KIAA0586: variants seen among roughly 807,000 people sequenced by gnomAD.
KIAA0586 encodes the protein KIAA0586.
In KIAA0586, 144 loss-of-function variants were observed where a neutral mutation model predicts 169.8. That is an observed-to-expected ratio of 0.85 (90% CI 0.74 to 0.97). KIAA0586 has a LOEUF of 0.97. Ranked by LOEUF, KIAA0586 falls within the 50% of genes least tolerant of loss-of-function variation. KIAA0586 has a pLI of 0.00. For missense variants in KIAA0586, 1,854 were observed against 1,823.0 expected, an observed-to-expected ratio of 1.02 and a Z score of -0.31; for synonymous variants, 625 against 612.4, an observed-to-expected ratio of 1.02 and a Z score of -0.30.
At chr14:58,472,470 C>G (rs2041299495) in intron 18 of KIAA0586, among the ~76,000 whole-genome samples, 191 bp downstream of exon 18, 1 of 151,984 alleles carries the variant, frequency 6.6e-6, no homozygotes, top group South Asian at 2.1e-4. Context: ...ACCTATCTGC[C>G]TTCATGAAGC....
At chr14:58,497,363 C>A (rs1020196342) in intron 26 of KIAA0586, among the ~76,000 whole-genome samples, 2 of 141,800 alleles carry the variant, frequency 1.4e-5, no homozygotes, top group African/African-American at 5.1e-5. Context: ...AATCTGTATA[C>A]TTTTTTTTTT....
At position 58,551,017 on chromosome 14, in the gene KIAA0586, C is replaced by T. The variant is rs1183339971; in HGVS notation, c.*3085C>T. The T allele has an allele frequency of 6.6e-6, 1 of 151,716 alleles. No homozygotes were observed. Among genetic ancestry groups the T allele is most frequent in the Non-Finnish European group, 1.5e-5 (1 of 67,980 alleles). The allele number at this position is 151,716 out of a possible 1,614,324, so 9.4% of individuals were successfully genotyped here. On this transcript the variant is annotated 3_prime_UTR_variant, in exon 31 of 31. Transcript: ENST00000652326. Reference sequence around the variant, plus strand: ...CAGTCTGGCCAACATGGTGAAACCCCATCTCTACTAAAAATACAAAAATTA... The same window carrying T: ...CAGTCTGGCCAACATGGTGAAACCCTATCTCTACTAAAAATACAAAAATTA...
chr14:58,458,486 A>G lies in KIAA0586; in HGVS notation c.1597A>G (p.Lys533Glu), dbSNP rs1222640533. ...TCTCTTTTATAGAGAGATGTCAGAG[A>G]AAATTAGGATCAGAAAGACAGTGGA... ...ALSTNREMSE[K>E]IRIRKTVDEW... The change falls in exon 12 of 31, where the codon AAA (lysine) becomes GAA (glutamate). Residue 533 changes from lysine to glutamate, a missense_variant. Physicochemically the swap from Lys to Glu is moderately conservative, Grantham distance 56 (BLOSUM62 1). Coordinates refer to ENST00000652326, the MANE Select transcript of KIAA0586 (RefSeq NM_001329943.3). 2.6e-6 allele frequency: 4 copies of G among 1,537,022 alleles called. No individual in the cohort carries two copies. In the East Asian group the frequency reaches 9.7e-5, roughly 37 times the overall value.
At chr14:58,429,560 T>A in intron 2 of KIAA0586, 127 bp downstream of exon 2, 1 of 673,276 alleles carries the variant, frequency 1.5e-6, no homozygotes, top group Non-Finnish European at 2.7e-6. Context: ...CCAAAACAAA[T>A]GTTTTATATA....
At chr14:58,512,497 T>C in intron 28 of KIAA0586, 25 bp from the exon 29 acceptor site, 1 of 1,217,428 alleles carries the variant, frequency 8.2e-7, no homozygotes, top group Non-Finnish European at 1.1e-6. Context: ...AATAATATTA[T>C]GACTTCATAT....
Position 58,453,363 on chromosome 14 carries a change from A to G in KIAA0586, c.1143A>G (p.Leu381=), listed in dbSNP as rs370408761. The G allele has an allele frequency of 2.5e-4, 335 of 1,346,868 alleles. No individual in the cohort carries two copies. The highest frequency in any genetic ancestry group is 3.2e-4 in the Non-Finnish European group (313 of 983,470). The allele number at this position is 1,346,868 out of a possible 1,614,324, so 83.4% of individuals were successfully genotyped here. The change falls in exon 9 of 31, where the codon CTA becomes CTG. Residue 381 remains leucine, a synonymous_variant. Transcript: ENST00000652326. ...EVSCHRGNVR[L]LEQILNNNDS... ...CTTCTATTTCAGGAAATGTAAGACT[A>G]TTGGAACAAATTTTGAATAATAATG...
At chr14:58,532,119 C>T (rs2046010959) in intron 29 of KIAA0586, among the ~76,000 whole-genome samples, 1 of 151,142 alleles carries the variant, frequency 6.6e-6, no homozygotes, top group African/African-American at 2.4e-5. Flanking sequence ...ACCACCATGG[C>T]ATGTGTGTAC....
At chr14:58,450,551 T>G in intron 7 of KIAA0586, 28 bp from the exon 8 acceptor site, 4 of 1,416,586 alleles carry the variant, frequency 2.8e-6, no homozygotes, top group Non-Finnish European at 3.9e-6. Flanking sequence ...AAAAGCAAGT[T>G]AAGTTTTTAA....
At chr14:58,448,957 A>T (rs1004152729) in intron 7 of KIAA0586, among the ~76,000 whole-genome samples, 4 of 152,218 alleles carry the variant, frequency 2.6e-5, no homozygotes, top group Admixed American at 6.5e-5. Context: ...AAATATTTTC[A>T]GAATTAGTAA....
intron 20 of KIAA0586, among the ~76,000 whole-genome samples, chr14:58,479,850 A>C (rs780360910): frequency 6.6e-5 from 10 of 152,280 alleles, no homozygotes; most frequent in East Asian, 1.9e-4. Context: ...ATATGTGTGC[A>C]TCTTGTTTTT....
At chr14:58,495,575 G>T in intron 26 of KIAA0586, among the ~76,000 whole-genome samples, 1 of 152,060 alleles carries the variant, frequency 6.6e-6, no homozygotes, top group Non-Finnish European at 1.5e-5. Context: ...TGGGATTATA[G>T]GCATGAGCCA....
intron 9 of KIAA0586, 37 bp from the exon 10 acceptor site, chr14:58,456,665 A>G: frequency 8.1e-7 from 1 of 1,231,998 alleles, no homozygotes; most frequent in South Asian, 1.4e-5. Context: ...ACTTTTTCAA[A>G]AATCTTCTGT....
intron 30 of KIAA0586, among the ~76,000 whole-genome samples, chr14:58,540,543 G>T (rs750719040): frequency 6.6e-6 from 1 of 152,220 alleles, no homozygotes; most frequent in Middle Eastern, 3.4e-3. Flanking sequence ...TCACATTAAC[G>T]ATTGCTTTTT....
chr14:58,455,146 G>A (rs2039711492), intron 9 of KIAA0586, among the ~76,000 whole-genome samples: 1 of 152,122 alleles, frequency 6.6e-6, no homozygotes, highest in African/African-American at 2.4e-5. Context: ...CATTTCAGTT[G>A]TTATATTTTT....
chr14:58,552,731 T>C (rs1449442065), downstream of KIAA0586, among the ~76,000 whole-genome samples: 1 of 152,208 alleles, frequency 6.6e-6, no homozygotes, highest in Non-Finnish European at 1.5e-5. Flanking sequence ...GTAAGGAGTC[T>C]ATGTACCAGG....
intron 30 of KIAA0586, among the ~76,000 whole-genome samples, chr14:58,544,882 A>G (rs557771091): frequency 1.7e-4 from 26 of 152,236 alleles, no homozygotes; most frequent in Non-Finnish European, 3.4e-4. Context: ...CAGAATACTC[A>G]GAGTTCCCTT....
intron 25 of KIAA0586, among the ~76,000 whole-genome samples, chr14:58,490,921 A>T (rs1033518882): frequency 4.6e-5 from 7 of 152,206 alleles, no homozygotes; most frequent in Admixed American, 4.6e-4. Context: ...TTTTTAAGTT[A>T]TTTCACATAG....
chr14:58,502,742 T>A lies in KIAA0586; in HGVS notation c.4168+3782T>A, dbSNP rs561775620. ...ACTATCTTATATGTACTTAATAGAA[T>A]CAGAAACTATCAACAGTTGACTAAA... On this transcript the variant is annotated intron_variant, in intron 27 of 30. Coordinates refer to ENST00000652326, the MANE Select transcript of KIAA0586 (RefSeq NM_001329943.3). Among the ~76,000 whole-genome samples the A allele has an allele frequency of 1.6e-4, 24 of 152,306 alleles. No individual in the cohort carries two copies. The South Asian group carries it at 5.0e-3, about 32-fold the overall frequency.
At chr14:58,543,888 G>T in intron 30 of KIAA0586, 1 of 455,220 alleles carries the variant, frequency 2.2e-6, no homozygotes, top group Non-Finnish European at 4.4e-6. Context: ...TTTAGGTTTG[G>T]GGGTACATGT....
Sources: allele counts gnomAD v4.1 joint callset (sites outside exome capture counted in the v4.1 genomes callset), GRCh38; gene constraint gnomAD v4.1.1; transcripts MANE v1.5; gene names NCBI Gene and HGNC (gene_info 2026-07-23, HGNC 2026-07-21).